CELF2: variants seen among roughly 807,000 people sequenced by gnomAD.
CELF2 encodes CUGBP Elav-like family member 2.
CELF2 carries 8 observed loss-of-function variants against 62.6 expected under a neutral mutation model. That is an observed-to-expected ratio of 0.13 (90% CI 0.07 to 0.23). CELF2 has a LOEUF of 0.23. Among genes scored for constraint, CELF2 ranks in the 10% least tolerant of loss-of-function variants. The pLI is 1.00. For missense variants in CELF2, 333 were observed against 671.0 expected, an observed-to-expected ratio of 0.50 and a Z score of 5.56; for synonymous variants, 258 against 250.0, an observed-to-expected ratio of 1.03 and a Z score of -0.30.
the CELF2 span, among the ~76,000 whole-genome samples, chr10:10,710,250 G>A: frequency 6.6e-6 from 1 of 152,210 alleles, no homozygotes; most frequent in South Asian, 2.1e-4. Context: ...GGAGAAAAAT[G>A]CATTTCTCAA....
At chr10:10,492,321 CTG>C in the CELF2 span, among the ~76,000 whole-genome samples, 2 of 152,186 alleles carry the variant, frequency 1.3e-5, no homozygotes, top group African/African-American at 4.8e-5. Flanking sequence ...GCTGATTAGT[CTG>C]TCTCTCCAGG....
chr10:11,275,175 T>C, intron 8 of CELF2, 55 bp downstream of exon 8: 1 of 1,574,480 alleles, frequency 6.4e-7, no homozygotes, highest in Non-Finnish European at 8.7e-7. Context: ...GAATTTGGGG[T>C]TGGTTCCGAG....
chr10:11,118,600 G>T (rs187014372), intron 1 of CELF2, among the ~76,000 whole-genome samples: 1 of 152,164 alleles, frequency 6.6e-6, no homozygotes, highest in Non-Finnish European at 1.5e-5. Flanking sequence ...AGATTTTTGC[G>T]TAAGGTCATA....
the CELF2 span, among the ~76,000 whole-genome samples, chr10:10,691,252 C>A: frequency 6.6e-6 from 1 of 151,148 alleles, no homozygotes; most frequent in African/African-American, 2.4e-5. Flanking sequence ...TGAGAATATG[C>A]GCTGTTTGGT....
chr10:10,895,080 C>T (rs541681565), intron 1 of CELF2, among the ~76,000 whole-genome samples: 21 of 152,168 alleles, frequency 1.4e-4, no homozygotes, highest in African/African-American at 3.4e-4. Context: ...ATTTCACAGA[C>T]GAGATACTGA....
intron 2 of CELF2, among the ~76,000 whole-genome samples, chr10:11,167,948 G>A (rs1370462973): frequency 6.6e-6 from 1 of 152,078 alleles, no homozygotes; most frequent in Non-Finnish European, 1.5e-5. Context: ...GTGGAGATTC[G>A]GACATGGTCC....
chr10:10,679,331 C>A, the CELF2 span, among the ~76,000 whole-genome samples: 1 of 152,160 alleles, frequency 6.6e-6, no homozygotes, highest in Non-Finnish European at 1.5e-5. Context: ...AATCTCTCTA[C>A]CAGGCTGGAG....
chr10:10,827,593 C>T (rs1240920495), intron 1 of CELF2, among the ~76,000 whole-genome samples: 1 of 152,178 alleles, frequency 6.6e-6, no homozygotes, highest in African/African-American at 2.4e-5. Context: ...TTAGTCCCTC[C>T]TCTAGCCATG....
At chr10:10,722,568 GC>G in the CELF2 span, among the ~76,000 whole-genome samples, 3 of 152,252 alleles carry the variant, frequency 2.0e-5, no homozygotes, top group Non-Finnish European at 4.4e-5. Context: ...TTGACTGAGA[GC>G]CAAGCCCTTA....
chr10:10,756,453 T>C, the CELF2 span, among the ~76,000 whole-genome samples: 1 of 152,220 alleles, frequency 6.6e-6, no homozygotes, highest in Admixed American at 6.5e-5. Flanking sequence ...ACTGGCATTT[T>C]TATTTTCACT....
chr10:10,966,541 C>T lies in CELF2; in HGVS notation c.89+46542C>T, dbSNP rs1001295022. 4 of 152,246 alleles carry T rather than the reference C, an allele frequency of 2.6e-5. 1 individual carries two copies. 9.4% of individuals were successfully genotyped at this position (152,246 alleles called of 1,614,324 possible). ...GGCTTCCTACCATACTCTAACCCTA[C>T]CATTTTCCTTTTTTATGAAGATTTG... On this transcript the variant is annotated intron_variant, in intron 2 of 13. Coordinates refer to the CELF2 transcript ENST00000636488.
chr10:11,301,919 A>T (rs1317156217), intron 9 of CELF2, among the ~76,000 whole-genome samples: 1 of 152,190 alleles, frequency 6.6e-6, no homozygotes, highest in South Asian at 2.1e-4. Flanking sequence ...CGTGGGCCTC[A>T]TGTGGAGAGA....
intron 3 of CELF2, among the ~76,000 whole-genome samples, chr10:11,218,658 A>G (rs2063964886): frequency 6.6e-6 from 1 of 152,250 alleles, no homozygotes; most frequent in East Asian, 1.9e-4. Flanking sequence ...ATGCGAGGAA[A>G]TCAAAGAATA....
chr10:11,124,841 A>T (rs573572476), intron 1 of CELF2, among the ~76,000 whole-genome samples: 1 of 152,212 alleles, frequency 6.6e-6, no homozygotes. Context: ...TGGCTTATGG[A>T]TAGCATATTT....
the CELF2 span, among the ~76,000 whole-genome samples, chr10:10,509,072 G>A: frequency 2.6e-5 from 4 of 152,268 alleles, no homozygotes; most frequent in East Asian, 7.7e-4. Flanking sequence ...CTTTTATTGA[G>A]AAATGTGTAA....
intron 1 of CELF2, among the ~76,000 whole-genome samples, chr10:10,826,631 A>G (rs2057411030): frequency 6.6e-6 from 1 of 152,206 alleles, no homozygotes; most frequent in Non-Finnish European, 1.5e-5. Flanking sequence ...TTTACTAAAT[A>G]CTGTGAGTGG....
At chr10:10,494,102 C>A in the CELF2 span, among the ~76,000 whole-genome samples, 2 of 152,206 alleles carry the variant, frequency 1.3e-5, no homozygotes, top group African/African-American at 4.8e-5. Flanking sequence ...CAAAGCACAG[C>A]AGTCTTTGCC....
At chr10:10,979,231 G>A (rs916104029) in intron 2 of CELF2, among the ~76,000 whole-genome samples, 4 of 152,166 alleles carry the variant, frequency 2.6e-5, no homozygotes, top group African/African-American at 7.2e-5. Context: ...TTCTCTTGAC[G>A]CCAGGCCTGT....
chr10:10,783,164 G>A, the CELF2 span, among the ~76,000 whole-genome samples: 1 of 152,168 alleles, frequency 6.6e-6, no homozygotes, highest in Admixed American at 6.5e-5. Context: ...GGGCTGAAAT[G>A]AGTCCCCCAA....
Sources: gnomAD v4.1 joint callset for allele counts (sites outside exome capture counted in the v4.1 genomes callset) on GRCh38, gnomAD v4.1.1 for gene constraint, MANE v1.5 for transcripts, NCBI Gene and HGNC (gene_info 2026-07-23, HGNC 2026-07-21) for gene names.